BRCA1: variants seen among roughly 807,000 people sequenced by gnomAD.
BRCA1 encodes breast cancer type 1 susceptibility protein.
BRCA1 carries 140 observed loss-of-function variants against 173.7 expected under a neutral mutation model. The observed-to-expected ratio is 0.81, with a 90% CI of 0.70 to 0.93. The LOEUF is 0.93. BRCA1 is among the 40% of genes least tolerant of loss of function. BRCA1 has a pLI of 0.00. For synonymous variants in BRCA1, 662 were observed against 756.0 expected (o/e 0.88, Z 2.04); for missense variants, 1,983 against 2,172.5 (o/e 0.91, Z 1.73).
rs2154347293 is a variant in BRCA1 at position 43,092,518 on chromosome 17, C to T, written c.3013G>A (p.Glu1005Lys). 1 of 1,613,906 alleles carries T rather than the reference C, an allele frequency of 6.2e-7. No individual in the cohort carries two copies. Among genetic ancestry groups the T allele is most frequent in the South Asian group, 1.1e-5 (1 of 91,060 alleles). ...TCTCTTTCAGGTGACATTGAATGTT[C>T]CTCAAAGTTTTCCTCTAGCAGATTT... The part of the protein sequence containing the change: ...KKNLLEENFE[E>K]HSMSPEREMG... Residue 1005 changes from glutamate (E) to lysine (K), a missense_variant, in exon 10 of 23, where the codon GAA becomes AAA. Coordinates refer to ENST00000357654, the MANE Select transcript of BRCA1 (RefSeq NM_007294.4).
At chr17:43,132,500 T>A (rs189004616) in intron 1 of BRCA1, 1 of 151,884 alleles carries the variant, frequency 6.6e-6, no homozygotes, top group African/African-American at 2.4e-5. Flanking sequence ...TAGGTGAGAA[T>A]CCTACTTCTA....
chr17:43,137,878 A>C (rs1172674418), intron 1 of BRCA1, among the ~76,000 whole-genome samples: 1 of 151,842 alleles, frequency 6.6e-6, no homozygotes, highest in Non-Finnish European at 1.5e-5. Flanking sequence ...CCATCTCCAA[A>C]ACAAAACAAA....
intron 1 of BRCA1, chr17:43,164,616 A>T (rs368004367): frequency 1.2e-4 from 18 of 152,282 alleles, no homozygotes; most frequent in African/African-American, 4.3e-4. Context: ...TTCCTCTGGG[A>T]CTGTGGCCCA....
rs80358113 is a variant in BRCA1, at chr17:43,104,861, C to T, written c.301+7G>A. 5.4e-5 allele frequency: 87 copies of T among 1,610,834 alleles called. No individual in the cohort carries two copies. Among genetic ancestry groups the T allele is most frequent in the Non-Finnish European group, 6.5e-5 (77 of 1,177,260 alleles). On this transcript the variant is annotated splice_region_variant and intron_variant, in intron 5 of 22. Coordinates refer to ENST00000357654, the MANE Select transcript of BRCA1 (RefSeq NM_007294.4). ...TGAGTGTCATTCTTGGGATATTCAA[C>T]ACTTACACTCCAAACCTGTGTCAAG...
At chr17:43,111,130 C>T (rs1352455117) in intron 3 of BRCA1, among the ~76,000 whole-genome samples, 1 of 150,954 alleles carries the variant, frequency 6.6e-6, no homozygotes, top group African/African-American at 2.4e-5. Flanking sequence ...TTACACATTG[C>T]ATTTTTTTGT....
chr17:43,074,954 G>C (rs1409388485), intron 13 of BRCA1, among the ~76,000 whole-genome samples: 1 of 147,918 alleles, frequency 6.8e-6, no homozygotes, highest in Non-Finnish European at 1.5e-5. Context: ...GAAAGAAAAG[G>C]AAAGGAAAGA....
rs1135401826 is a variant in BRCA1, at chr17:43,094,577, A to T, written c.954T>A (p.His318Gln). ...TTTCCTTACTTCCAGCCCATCTGTTATGTTGGCTCCTTGCTAAGCCAGGCT... is the reference window on the plus strand; with the variant it reads ...TTTCCTTACTTCCAGCCCATCTGTTTTGTTGGCTCCTTGCTAAGCCAGGCT... ...SKQPGLARSQ[H>Q]NRWAGSKETC... Residue 318 changes from histidine (H) to glutamine (Q), a missense_variant, in exon 10 of 23, where the codon CAT (histidine) becomes CAA (glutamine). Transcript: ENST00000357654. 1 of 1,614,034 alleles carries T rather than the reference A, an allele frequency of 6.2e-7. No homozygotes were observed. The highest frequency in any genetic ancestry group is 8.5e-7 in the Non-Finnish European group (1 of 1,180,002).
At chr17:43,127,829 C>T (rs2055926473), upstream of BRCA1, among the ~76,000 whole-genome samples, 1 of 151,752 alleles carries the variant, frequency 6.6e-6, no homozygotes, top group Middle Eastern at 3.4e-3. Context: ...TCGAGACCAT[C>T]CTGGCTAACA....
At chr17:43,146,299 C>CTTTTTTTTTTTTTTTTTTTTTTT (rs774223347) in intron 1 of BRCA1, among the ~76,000 whole-genome samples, 1 of 76,114 alleles carries the variant, frequency 1.3e-5, no homozygotes, top group Non-Finnish European at 2.3e-5. Flanking sequence ...ATTTTTGTTA[C>CTTTTTTTTTTTTTTTTTTTTTTT]TTTTTTTTTT....
chr17:43,147,170 T>C (rs2056128141), intron 1 of BRCA1, among the ~76,000 whole-genome samples: 1 of 152,154 alleles, frequency 6.6e-6, no homozygotes, highest in Non-Finnish European at 1.5e-5. Context: ...CCGGCTAATT[T>C]TGTATTTTTA....
At chr17:43,126,841 G>A (rs1189088634), upstream of BRCA1, among the ~76,000 whole-genome samples, 1 of 152,180 alleles carries the variant, frequency 6.6e-6, no homozygotes, top group Non-Finnish European at 1.5e-5. Context: ...AGTGTGGAGG[G>A]AGAGGCGGGT....
intron 11 of BRCA1, among the ~76,000 whole-genome samples, chr17:43,088,253 C>T (rs1325569338): frequency 2.0e-5 from 3 of 152,146 alleles, no homozygotes; most frequent in Non-Finnish European, 2.9e-5. Context: ...TATCTATCTC[C>T]AGAACTTTTT....
At chr17:43,129,060 G>GA (rs1156917082), upstream of BRCA1, among the ~76,000 whole-genome samples, 4 of 150,792 alleles carry the variant, frequency 2.7e-5, no homozygotes, top group East Asian at 1.9e-4. Flanking sequence ...GAGGCTGAAA[G>GA]AAAAAAAAAT....
In BRCA1 at chr17:43,124,186, C is replaced by A. The variant is rs2055757332; in HGVS notation, c.-19-71G>T. The stretch of plus-strand genomic sequence containing the variant: ...TTATAAAATGACAACTTCATTTTAT[C>A]ATTTTAAAATAAAGTAAATTTAAGA... On this transcript the variant is annotated intron_variant, in intron 1 of 22. Coordinates refer to ENST00000357654, the MANE Select transcript of BRCA1 (RefSeq NM_007294.4). 4.4e-6 allele frequency: 4 copies of A among 912,750 alleles called. No individual in the cohort carries two copies. The South Asian group carries it at 4.8e-5, about 11-fold the overall frequency. The allele number at this position is 912,750 out of a possible 1,614,324, so 56.5% of individuals were successfully genotyped here. A position where few individuals can be genotyped will look rare whatever the true frequency, so the allele number is the denominator to read the frequency against.
rs563982895 is a variant in BRCA1, at chr17:43,161,960, T to G, written c.-20+8166A>C. 13 of 152,344 alleles carry G rather than the reference T, an allele frequency of 8.5e-5. No individual in the cohort carries two copies. In the East Asian group the frequency reaches 2.3e-3, roughly 27 times the overall value. 9.4% of individuals were successfully genotyped at this position (152,344 alleles called of 1,614,324 possible). A position where few individuals can be genotyped will look rare whatever the true frequency, so the allele number is the denominator to read the frequency against. Reference sequence around the variant, plus strand: ...CACATTTAGTTCATCATAGAAAGTTTGAAACACTGGCTCAAGAGAGCATTT... The same window carrying G: ...CACATTTAGTTCATCATAGAAAGTTGGAAACACTGGCTCAAGAGAGCATTT... On this transcript the variant is annotated intron_variant, in intron 1 of 7. Coordinates refer to the BRCA1 transcript ENST00000634433.
upstream of BRCA1, chr17:43,125,677 C>G (rs551891813): frequency 3.3e-5 from 7 of 209,914 alleles, no homozygotes; most frequent in Non-Finnish European, 6.9e-5. Context: ...AATTGCTGTA[C>G]GAAGGTCAGA....
intron 1 of BRCA1, among the ~76,000 whole-genome samples, chr17:43,141,730 T>C (rs181276052): frequency 4.0e-5 from 6 of 151,596 alleles, no homozygotes; most frequent in African/African-American, 1.5e-4. Context: ...GAGAATGGCG[T>C]GAACCTGGGA....
chr17:43,068,447 A>G (rs894101164), intron 15 of BRCA1, among the ~76,000 whole-genome samples: 1 of 151,904 alleles, frequency 6.6e-6, no homozygotes, highest in Non-Finnish European at 1.5e-5. Context: ...ACGGCAGCTC[A>G]TGCCTATAAT....
upstream of BRCA1, chr17:43,125,619 C>T (rs1016272891): frequency 1.4e-5 from 4 of 295,518 alleles, no homozygotes; most frequent in African/African-American, 8.8e-5. Flanking sequence ...CATAAAGTGC[C>T]TGCCCTCTAG....
Sources: allele counts gnomAD v4.1 joint callset (sites outside exome capture counted in the v4.1 genomes callset), GRCh38; gene constraint gnomAD v4.1.1; transcripts MANE v1.5; gene names NCBI Gene and HGNC (gene_info 2026-07-23, HGNC 2026-07-21).